ANO2: variants seen among roughly 807,000 people sequenced by gnomAD.
ANO2 encodes the protein anoctamin-2.
A neutral mutation model predicts 124.2 loss-of-function variants in ANO2; 101 were observed. That is an observed-to-expected ratio of 0.81 (90% CI 0.69 to 0.96). The LOEUF is 0.96. Ranked by LOEUF, ANO2 falls within the 40% of genes least tolerant of loss-of-function variation. The probability of loss-of-function intolerance (pLI) is 0.00; values close to 1 mark genes in which losing one functional copy is unlikely to be tolerated. For missense variants in ANO2, 1,293 were observed against 1,274.5 expected (o/e 1.01, Z -0.22); for synonymous variants, 486 against 482.5 (o/e 1.01, Z -0.09).
chr12:5,681,167 A>T (rs764104975), intron 14 of ANO2, among the ~76,000 whole-genome samples: 1 of 152,210 alleles, frequency 6.6e-6, no homozygotes, highest in Non-Finnish European at 1.5e-5. Flanking sequence ...AAGAGACTCC[A>T]GGTAAACCCA....
chr12:5,867,865 C>A (rs1955472893), intron 3 of ANO2, among the ~76,000 whole-genome samples: 1 of 149,820 alleles, frequency 6.7e-6, no homozygotes, highest in Non-Finnish European at 1.5e-5. Context: ...GTCAAGAGCA[C>A]TATGAAAATA....
intron 3 of ANO2, among the ~76,000 whole-genome samples, chr12:5,861,720 T>C (rs999255386): frequency 6.6e-6 from 1 of 151,976 alleles, no homozygotes; most frequent in African/African-American, 2.4e-5. Flanking sequence ...AGCCTGTCGA[T>C]GATGGAGGAG....
chr12:5,796,044 C>G (rs1366748715), intron 10 of ANO2, among the ~76,000 whole-genome samples: 1 of 152,272 alleles, frequency 6.6e-6, no homozygotes, highest in East Asian at 1.9e-4. Context: ...TGGAAGTGCC[C>G]AGGAGGTCTT....
In ANO2 at chr12:5,777,449, G is replaced by C. The variant is rs545356228; in HGVS notation, c.1055+22058C>G. Among the ~76,000 whole-genome samples the C allele has an allele frequency of 7.2e-5, 11 of 152,242 alleles. No homozygotes were observed. The South Asian group carries it at 1.5e-3, about 20-fold the overall frequency. On this transcript the variant is annotated intron_variant, in intron 10 of 24. Coordinates refer to ENST00000682330, the MANE Select transcript of ANO2 (RefSeq NM_001364791.2). The stretch of plus-strand genomic sequence containing the variant: ...AAGAGTAGTGTCCCCATGTGAACTT[G>C]GTCCTTTCAAAGCCTGGCAAGTGGC...
At chr12:5,722,803 T>A (rs564781963) in intron 14 of ANO2, among the ~76,000 whole-genome samples, 1 of 152,222 alleles carries the variant, frequency 6.6e-6, no homozygotes, top group Non-Finnish European at 1.5e-5. Context: ...TAAAAATGCA[T>A]GAGAAAAGAC....
In ANO2 at chr12:5,812,380, A is replaced by G. The variant is rs199766597; in HGVS notation, c.893-5012T>C. On this transcript the variant is annotated intron_variant, in intron 7 of 24. Coordinates refer to ENST00000682330, the MANE Select transcript of ANO2 (RefSeq NM_001364791.2). ...GAAGGAGAGAGAAAGAAAAAGAAAG[A>G]AAGAAAGAAGGGAAGGAAGGAAGGA... 8.0e-3 allele frequency among the ~76,000 whole-genome samples: 595 copies of G among 74,062 alleles called. 1 individual carries two copies. Among genetic ancestry groups the G allele is most frequent in the Non-Finnish European group, 0.014 (398 of 29,276 alleles). The allele number at this position is 74,062 out of a possible 152,430, so 48.6% of individuals were successfully genotyped here.
chr12:5,890,547 C>A (rs1014101436), intron 3 of ANO2, among the ~76,000 whole-genome samples: 1 of 152,182 alleles, frequency 6.6e-6, no homozygotes, highest in African/African-American at 2.4e-5. Context: ...TTGCCAAGCC[C>A]TGTGTTAGGA....
rs560343383 is a variant in ANO2 at position 5,711,015 on chromosome 12, G to A, written c.1545+21505C>T. On this transcript the variant is annotated intron_variant, in intron 14 of 24. Transcript: ENST00000682330. ...CTACTAAAAATACAAAAAATTAGCC[G>A]GGCGTGGTGGCATGTGCCTGTAGTC... 7.4e-4 allele frequency among the ~76,000 whole-genome samples: 113 copies of A among 152,102 alleles called. 1 individual carries two copies. Among genetic ancestry groups the A allele is most frequent in the Non-Finnish European group, 1.1e-3 (76 of 67,990 alleles).
chr12:5,657,676 G>A (rs187943600), intron 14 of ANO2, among the ~76,000 whole-genome samples: 18 of 152,228 alleles, frequency 1.2e-4, no homozygotes, highest in Admixed American at 1.2e-3. Flanking sequence ...ATGGCTGAAG[G>A]TCTCTGGTTA....
chr12:5,743,366 A>G (rs1232095846), intron 12 of ANO2, among the ~76,000 whole-genome samples: 1 of 152,154 alleles, frequency 6.6e-6, no homozygotes, highest in African/African-American at 2.4e-5. Context: ...ATGGGCTGAC[A>G]CAGGTTGACT....
At chr12:5,855,889 T>G (rs1312558315) in intron 3 of ANO2, among the ~76,000 whole-genome samples, 2 of 152,140 alleles carry the variant, frequency 1.3e-5, no homozygotes, top group African/African-American at 4.8e-5. Flanking sequence ...TAGGCTAAAA[T>G]CAAATCCAAG....
intron 14 of ANO2, among the ~76,000 whole-genome samples, chr12:5,722,238 G>A (rs1950259722): frequency 6.6e-6 from 1 of 152,198 alleles, no homozygotes; most frequent in Non-Finnish European, 1.5e-5. Flanking sequence ...CGGGCACGGG[G>A]GCTCACGCCT....
At chr12:5,854,237 T>C in intron 3 of ANO2, 96 bp from the exon 4 acceptor site, 4 of 1,112,264 alleles carry the variant, frequency 3.6e-6, no homozygotes, top group African/African-American at 1.6e-5. Flanking sequence ...GCCCAACCCG[T>C]TGTTCTTCAG....
rs777242855 is a variant in ANO2, at chr12:5,908,131, T to C, written c.534+12909A>G. Among the ~76,000 whole-genome samples the C allele has an allele frequency of 1.4e-4, 21 of 152,214 alleles. 1 individual carries two copies. Among genetic ancestry groups the C allele is most frequent in the Non-Finnish European group, 2.9e-4 (20 of 68,022 alleles). Reference sequence around the variant, plus strand: ...CCCTGGGGCTTCCACTCTGAAGCCTTTGGGGGTTCCCGTGTCTGCAGAGAA... The same window carrying C: ...CCCTGGGGCTTCCACTCTGAAGCCTCTGGGGGTTCCCGTGTCTGCAGAGAA... On this transcript the variant is annotated intron_variant, in intron 3 of 24. Transcript: ENST00000682330. The surrounding 1 kb of genome is among the most constrained non-coding windows in gnomAD (Gnocchi z 4.7).
chr12:5,921,066 C>T lies in ANO2; in HGVS notation c.508G>A (p.Gly170Arg). ...EEFEHNLMEA[G>R]LELEKDLENK... ...TCCAAGTCCTTCTCAAGCTCCAGTC[C>T]AGCCTCCATCAGATTGTGCTCAAAT... Residue 170 changes from glycine to arginine, a missense_variant, in exon 3 of 25, where the codon GGA (glycine) becomes AGA (arginine). Transcript: ENST00000682330. The T allele has an allele frequency of 6.2e-7, 1 of 1,611,682 alleles. No homozygotes were observed. Among genetic ancestry groups the T allele is most frequent in the Non-Finnish European group, 8.5e-7 (1 of 1,178,014 alleles).
chr12:5,637,778 C>T (rs1946099216), intron 15 of ANO2, among the ~76,000 whole-genome samples: 1 of 152,130 alleles, frequency 6.6e-6, no homozygotes, highest in Admixed American at 6.5e-5. Flanking sequence ...TGCAGGTTTA[C>T]CTTCTCTGGT....
intron 8 of ANO2, 107 bp downstream of exon 8, chr12:5,807,206 C>A: frequency 1.1e-6 from 1 of 937,066 alleles, no homozygotes; most frequent in Non-Finnish European, 1.6e-6. Flanking sequence ...TCATGATTCA[C>A]TCCTGCCTCA....
intron 14 of ANO2, among the ~76,000 whole-genome samples, chr12:5,693,846 C>T (rs1949046711): frequency 6.6e-6 from 1 of 152,194 alleles, no homozygotes; most frequent in African/African-American, 2.4e-5. Context: ...CCACTTGCAT[C>T]TGGGTTTGCT....
intron 20 of ANO2, among the ~76,000 whole-genome samples, chr12:5,581,800 T>TG (rs1942770833): frequency 6.6e-6 from 1 of 152,144 alleles, no homozygotes; most frequent in South Asian, 2.1e-4. Context: ...CCTCCTCTGG[T>TG]GTTACTCCAT....
Sources: gnomAD v4.1 joint callset for allele counts (sites outside exome capture counted in the v4.1 genomes callset) on GRCh38, gnomAD v4.1.1 for gene constraint, Gnocchi (gnomAD v3.1) non-coding constraint, MANE v1.5 for transcripts, NCBI Gene and HGNC (gene_info 2026-07-23, HGNC 2026-07-21) for gene names.